CHODL: variants seen among roughly 807,000 people sequenced by gnomAD.
CHODL encodes the protein transmembrane protein MT75.
Under a neutral mutation model 34.5 loss-of-function variants are expected in CHODL, and 29 were observed. That is an observed-to-expected ratio of 0.84 (90% CI 0.63 to 1.15). The LOEUF is 1.15. CHODL is among the 50% of genes most tolerant of loss of function. CHODL has a pLI of 0.00. For synonymous variants in CHODL, 125 were observed against 116.1 expected, an observed-to-expected ratio of 1.08 and a Z score of -0.49; for missense variants, 332 against 332.5, an observed-to-expected ratio of 1.00 and a Z score of 0.01.
intron 2 of CHODL, among the ~76,000 whole-genome samples, chr21:18,198,049 T>G (rs2073609162): frequency 6.6e-6 from 1 of 152,218 alleles, no homozygotes; most frequent in Non-Finnish European, 1.5e-5. Context: ...GTAGCTTTAT[T>G]ATTTATTTGA....
chr21:18,054,194 A>G (rs1431854948), intron 2 of CHODL, among the ~76,000 whole-genome samples: 2 of 151,966 alleles, frequency 1.3e-5, no homozygotes, highest in Non-Finnish European at 2.9e-5. Flanking sequence ...ATATATCCAT[A>G]TACATATACA....
intron 2 of CHODL, among the ~76,000 whole-genome samples, chr21:18,150,790 G>T (rs990112525): frequency 2.6e-5 from 4 of 152,084 alleles, no homozygotes; most frequent in African/African-American, 7.2e-5. Context: ...TGGCCATAAA[G>T]AAATTCTCTG....
intron 1 of CHODL, among the ~76,000 whole-genome samples, chr21:17,954,861 A>C (rs1343742100): frequency 7.9e-6 from 1 of 126,880 alleles, no homozygotes; most frequent in East Asian, 2.3e-4. Flanking sequence ...TAAATATATA[A>C]TTCTTATATA....
chr21:17,964,273 G>A lies in CHODL; in HGVS notation c.-145+46873G>A, dbSNP rs182942975. Among the ~76,000 whole-genome samples the A allele has an allele frequency of 1.9e-3, 286 of 152,280 alleles. 2 individuals are homozygous for A. The highest frequency in any genetic ancestry group is 0.01 in the Middle Eastern group (3 of 294). On this transcript the variant is annotated intron_variant, in intron 1 of 6. Transcript: ENST00000400127. Reference sequence around the variant, plus strand: ...ACAAAAAGCCATAAAACTTATGTAAGCAGAGTAAAAGGAAATTAAAAGTAG... The same window carrying A: ...ACAAAAAGCCATAAAACTTATGTAAACAGAGTAAAAGGAAATTAAAAGTAG...
At chr21:18,191,225 A>G (rs2073506855) in intron 2 of CHODL, among the ~76,000 whole-genome samples, 1 of 152,222 alleles carries the variant, frequency 6.6e-6, no homozygotes, top group Non-Finnish European at 1.5e-5. Context: ...CTCAGAGCAC[A>G]TAAATGTCCT....
At chr21:18,075,490 C>T (rs1364780267) in intron 2 of CHODL, among the ~76,000 whole-genome samples, 1 of 151,876 alleles carries the variant, frequency 6.6e-6, no homozygotes, top group East Asian at 1.9e-4. Flanking sequence ...CATCACCACT[C>T]CTTACTACCT....
intron 2 of CHODL, among the ~76,000 whole-genome samples, chr21:18,028,257 T>TC (rs1453201998): frequency 3.5e-4 from 25 of 71,962 alleles, no homozygotes; most frequent in African/African-American, 1.5e-3. Context: ...CTTTTCCTTT[T>TC]CTTTTTCTTT....
At chr21:18,019,471 A>G (rs980996390) in intron 1 of CHODL, among the ~76,000 whole-genome samples, 2 of 152,154 alleles carry the variant, frequency 1.3e-5, no homozygotes, top group African/African-American at 4.8e-5. Flanking sequence ...TAAGAGTATA[A>G]TTCAGTTGTT....
At chr21:18,025,711 C>T (rs1289245408) in intron 1 of CHODL, among the ~76,000 whole-genome samples, 1 of 151,982 alleles carries the variant, frequency 6.6e-6, no homozygotes, top group Admixed American at 6.6e-5. Context: ...TCTCACAGAT[C>T]GGGGAGCTAG....
intron 1 of CHODL, among the ~76,000 whole-genome samples, chr21:17,938,340 G>C (rs2146327278): frequency 6.6e-6 from 1 of 151,366 alleles, no homozygotes; most frequent in Non-Finnish European, 1.5e-5. Flanking sequence ...TTATTGAGAG[G>C]ACAAGAAATG....
chr21:18,245,963 G>A, intron 1 of CHODL: 2 of 1,532,562 alleles, frequency 1.3e-6, no homozygotes, highest in Non-Finnish European at 1.7e-6. Context: ...TGCAGGTTCG[G>A]CACACAGTAG....
chr21:18,018,554 G>A (rs745309920), intron 1 of CHODL, among the ~76,000 whole-genome samples: 18 of 152,196 alleles, frequency 1.2e-4, no homozygotes, highest in African/African-American at 2.2e-4. Flanking sequence ...GTCTTCTGCC[G>A]TGAGTAAAAG....
Position 18,050,942 on chromosome 21 carries a change from ATTATAC to A in CHODL, c.-45+22974_-45+22979del, listed in dbSNP as rs536036446. Among the ~76,000 whole-genome samples the A allele has an allele frequency of 2.3e-4, 33 of 145,796 alleles. No homozygotes were observed. The East Asian group carries it at 6.6e-3, about 29-fold the overall frequency. On this transcript the variant is annotated intron_variant, in intron 2 of 6. Transcript: ENST00000400127. ...AGTAACTTGCTTTTTTTTTTTTATT[ATTATAC>A]TTTAAGTTCTGGGGTACATGTGCAG...
At chr21:18,131,558 T>C (rs1395177439) in intron 2 of CHODL, among the ~76,000 whole-genome samples, 2 of 152,230 alleles carry the variant, frequency 1.3e-5, no homozygotes, top group Non-Finnish European at 2.9e-5. Flanking sequence ...TCCCCAGTTA[T>C]TTTCATCCTG....
chr21:18,197,656 A>G (rs1411005422), intron 2 of CHODL, among the ~76,000 whole-genome samples: 1 of 152,202 alleles, frequency 6.6e-6, no homozygotes, highest in Admixed American at 6.5e-5. Context: ...ACTCTTCAAG[A>G]AACTGTGAAG....
chr21:18,116,798 C>G (rs112049782), intron 2 of CHODL, among the ~76,000 whole-genome samples: 1,866 of 152,218 alleles, frequency 0.012, 42 homozygotes, highest in African/African-American at 0.041. Context: ...GCCTTTGGGG[C>G]TCAGACAGTT....
intron 2 of CHODL, among the ~76,000 whole-genome samples, chr21:18,095,428 A>G (rs2065128396): frequency 6.6e-6 from 1 of 152,206 alleles, no homozygotes; most frequent in Admixed American, 6.6e-5. Context: ...AAATTCCCTG[A>G]CAGCTATAAC....
intron 2 of CHODL, among the ~76,000 whole-genome samples, chr21:18,047,666 C>T (rs1463059361): frequency 6.6e-6 from 1 of 151,880 alleles, no homozygotes; most frequent in Non-Finnish European, 1.5e-5. Context: ...GTGCCACATA[C>T]AGTGGTCCTT....
intron 1 of CHODL, among the ~76,000 whole-genome samples, chr21:17,953,835 C>A (rs954776597): frequency 2.0e-5 from 3 of 151,964 alleles, no homozygotes; most frequent in African/African-American, 7.2e-5. Flanking sequence ...CATGGTGAAA[C>A]CTTGTCTCTA....
Sources: allele counts gnomAD v4.1 joint callset (sites outside exome capture counted in the v4.1 genomes callset), GRCh38; gene constraint gnomAD v4.1.1; transcripts MANE v1.5; gene names NCBI Gene and HGNC (gene_info 2026-07-23, HGNC 2026-07-21).